Variants in LDLRAD4 observed in about 807,000 individuals in gnomAD.
LDLRAD4 encodes low-density lipoprotein receptor class A domain-containing protein 4.
LDLRAD4 carries 5 observed loss-of-function variants against 17.0 expected under a neutral mutation model. The observed-to-expected ratio is 0.29, with a 90% CI of 0.15 to 0.62. The LOEUF is 0.62. Among genes scored for constraint, LDLRAD4 ranks in the 20% least tolerant of loss-of-function variants. The pLI, the probability that LDLRAD4 is intolerant of heterozygous loss-of-function variation, is 0.84. For synonymous variants in LDLRAD4, 168 were observed against 171.8 expected, an observed-to-expected ratio of 0.98 and a Z score of 0.17; for missense variants, 340 against 424.7, an observed-to-expected ratio of 0.80 and a Z score of 1.75.
intron 2 of LDLRAD4, among the ~76,000 whole-genome samples, chr18:13,388,453 T>C (rs899452322): frequency 2.0e-4 from 31 of 152,252 alleles, no homozygotes; most frequent in African/African-American, 6.3e-4. Flanking sequence ...TCCGTGACAT[T>C]GAGGAACTTC....
rs997562573 is a variant in LDLRAD4 at position 13,623,652 on chromosome 18, G to T, written c.336+2381G>T. Reference sequence around the variant, plus strand: ...CTCCACTTCCCGATCTGGTGTATTAGCCCAGTTGATGGTTCCCCAAAAGAG... The same window carrying T: ...CTCCACTTCCCGATCTGGTGTATTATCCCAGTTGATGGTTCCCCAAAAGAG... On this transcript the variant is annotated intron_variant, in intron 4 of 5. Coordinates refer to ENST00000359446, the Ensembl canonical transcript of LDLRAD4. Among the ~76,000 whole-genome samples the T allele has an allele frequency of 4.3e-4, 65 of 152,352 alleles. 1 individual carries two copies. Among genetic ancestry groups the T allele is most frequent in the African/African-American group, 1.5e-3 (63 of 41,570 alleles).
At chr18:13,361,152 T>G (rs927499342) in intron 1 of LDLRAD4, among the ~76,000 whole-genome samples, 1 of 152,104 alleles carries the variant, frequency 6.6e-6, no homozygotes, top group African/African-American at 2.4e-5. Flanking sequence ...AAAATACACT[T>G]CTACAAGCTC....
At chr18:13,263,983 G>T (rs1377240259) in intron 1 of LDLRAD4, among the ~76,000 whole-genome samples, 4 of 148,630 alleles carry the variant, frequency 2.7e-5, no homozygotes, top group Non-Finnish European at 6.0e-5. Context: ...TTTAATTAAA[G>T]AAAAAAAAAA....
intron 2 of LDLRAD4, among the ~76,000 whole-genome samples, chr18:13,390,081 A>C (rs1014716947): frequency 6.6e-6 from 1 of 152,266 alleles, no homozygotes; most frequent in East Asian, 1.9e-4. Context: ...TGAACAGGTC[A>C]GGCTAATGGG....
At chr18:13,434,821 T>C (rs2090552520) in intron 2 of LDLRAD4, among the ~76,000 whole-genome samples, 1 of 152,236 alleles carries the variant, frequency 6.6e-6, no homozygotes, top group African/African-American at 2.4e-5. Flanking sequence ...AACATTCCAA[T>C]AAAATACCAT....
At chr18:13,255,153 C>T (rs1216541124) in intron 1 of LDLRAD4, among the ~76,000 whole-genome samples, 1 of 152,184 alleles carries the variant, frequency 6.6e-6, no homozygotes, top group African/African-American at 2.4e-5. Context: ...ACTTCCAGAG[C>T]CCTGCTGTGT....
chr18:13,296,301 T>C (rs1270806681), intron 1 of LDLRAD4, among the ~76,000 whole-genome samples: 4 of 152,242 alleles, frequency 2.6e-5, no homozygotes, highest in Non-Finnish European at 4.4e-5. Flanking sequence ...CTGAGGTATA[T>C]GAATCTGCTA....
At chr18:13,315,369 A>G (rs1406869688) in intron 1 of LDLRAD4, among the ~76,000 whole-genome samples, 1 of 152,246 alleles carries the variant, frequency 6.6e-6, no homozygotes. Flanking sequence ...TGAAGGAGAA[A>G]GAGTAAAAGC....
chr18:13,235,488 G>C (rs1567916830), intron 1 of LDLRAD4, among the ~76,000 whole-genome samples: 1 of 152,166 alleles, frequency 6.6e-6, no homozygotes. Flanking sequence ...CACCCTCCAG[G>C]CATCTGACTG....
intron 3 of LDLRAD4, chr18:13,520,350 C>G (rs2093933983): frequency 6.6e-6 from 1 of 152,166 alleles, no homozygotes; most frequent in African/African-American, 2.4e-5. Context: ...TCACCCTAGA[C>G]TCTAGGGTGA....
At chr18:13,347,260 A>G (rs2082749176) in intron 1 of LDLRAD4, among the ~76,000 whole-genome samples, 2 of 152,320 alleles carry the variant, frequency 1.3e-5, no homozygotes, top group Admixed American at 6.5e-5. Context: ...CTTGTAGGGC[A>G]GGCCTGGTGG....
At chr18:13,567,907 T>C (rs925388305) in intron 3 of LDLRAD4, among the ~76,000 whole-genome samples, 3 of 152,250 alleles carry the variant, frequency 2.0e-5, no homozygotes, top group East Asian at 3.8e-4. Context: ...TTTTTTGTTA[T>C]AGTGGGTGTC....
intron 3 of LDLRAD4, among the ~76,000 whole-genome samples, chr18:13,574,624 C>T (rs1225789538): frequency 2.6e-5 from 4 of 152,186 alleles, no homozygotes; most frequent in Non-Finnish European, 5.9e-5. Context: ...GGCTTTGACG[C>T]TCATGGAGCC....
chr18:13,413,948 T>C (rs2088617403), intron 2 of LDLRAD4, among the ~76,000 whole-genome samples: 1 of 152,130 alleles, frequency 6.6e-6, no homozygotes, highest in African/African-American at 2.4e-5. Flanking sequence ...GAAATAATTA[T>C]AAGAGAGTAC....
At chr18:13,274,452 G>T (rs1373210225), upstream of LDLRAD4, among the ~76,000 whole-genome samples, 1 of 152,236 alleles carries the variant, frequency 6.6e-6, no homozygotes, top group Non-Finnish European at 1.5e-5. Flanking sequence ...AAAGGAAGAG[G>T]TGAATTTGTT....
chr18:13,400,270 G>C (rs1323085855), intron 2 of LDLRAD4, among the ~76,000 whole-genome samples: 1 of 152,366 alleles, frequency 6.6e-6, no homozygotes, highest in Admixed American at 6.5e-5. Context: ...GGGTAAAAGA[G>C]AGGGAATCAT....
intron 1 of LDLRAD4, among the ~76,000 whole-genome samples, chr18:13,313,993 C>T (rs1184457340): frequency 6.6e-6 from 1 of 152,122 alleles, no homozygotes; most frequent in Admixed American, 6.5e-5. Flanking sequence ...TTAGATGTGA[C>T]CGCAACACAT....
chr18:13,450,304 T>A (rs1056036560), intron 3 of LDLRAD4, among the ~76,000 whole-genome samples: 1 of 141,014 alleles, frequency 7.1e-6, no homozygotes, highest in Non-Finnish European at 1.5e-5. Flanking sequence ...CTGGGGCCAG[T>A]GCAGTTAGCT....
intron 3 of LDLRAD4, among the ~76,000 whole-genome samples, chr18:13,588,283 CCTT>C (rs1372718687): frequency 6.6e-6 from 1 of 152,300 alleles, no homozygotes; most frequent in Non-Finnish European, 1.5e-5. Flanking sequence ...GCTTTCTTCT[CCTT>C]CTCCTTTTCA....
Sources: gnomAD v4.1 joint callset for allele counts (sites outside exome capture counted in the v4.1 genomes callset) on GRCh38, gnomAD v4.1.1 for gene constraint, MANE v1.5 for transcripts, NCBI Gene and HGNC (gene_info 2026-07-23, HGNC 2026-07-21) for gene names.